The following TMEM132D variants were observed in gnomAD, a reference collection of about 807,000 sequenced individuals.
TMEM132D encodes the protein transmembrane protein 132D.
TMEM132D carries 21 observed loss-of-function variants against 62.3 expected under a neutral mutation model. The observed-to-expected ratio is 0.34, with a 90% CI of 0.24 to 0.49. The LOEUF is 0.49. TMEM132D is among the 20% of genes least tolerant of loss of function. TMEM132D has a pLI of 0.99. For synonymous variants in TMEM132D, 621 were observed against 575.6 expected (o/e 1.08, Z -1.13); for missense variants, 1,346 against 1,402.8 (o/e 0.96, Z 0.65).
rs529759923 is a variant in TMEM132D at position 129,874,849 on chromosome 12, C to T, written c.79+28412G>A. On this transcript the variant is annotated intron_variant, in intron 1 of 8. Transcript: ENST00000422113. The stretch of plus-strand genomic sequence containing the variant: ...CCGAATAGCTGGGATTACAGGCGTG[C>T]GCCACCACGCCCAGCTAATTTTGTA... 3.1e-4 allele frequency among the ~76,000 whole-genome samples: 47 copies of T among 151,966 alleles called. 1 individual carries two copies. In the Middle Eastern group the frequency reaches 0.01, roughly 33 times the overall value.
At chr12:129,492,893 T>C (rs1053413406) in intron 3 of TMEM132D, among the ~76,000 whole-genome samples, 7 of 152,126 alleles carry the variant, frequency 4.6e-5, no homozygotes, top group Non-Finnish European at 1.5e-5. Context: ...GAGATGTGCA[T>C]CGAGAACTTT....
intron 2 of TMEM132D, among the ~76,000 whole-genome samples, chr12:129,558,235 C>A (rs2137111150): frequency 1.3e-5 from 2 of 152,294 alleles, no homozygotes; most frequent in African/African-American, 4.8e-5. Flanking sequence ...GAAGAGACAG[C>A]ATGAAAGATC....
At chr12:129,169,292 G>C (rs1877649268) in intron 5 of TMEM132D, among the ~76,000 whole-genome samples, 1 of 152,176 alleles carries the variant, frequency 6.6e-6, no homozygotes, top group African/African-American at 2.4e-5. Context: ...CTTGTCTGTG[G>C]ACTGGGAGTC....
rs149149310 is a variant in TMEM132D, at chr12:129,480,751, C to T, written c.1115+50308G>A. 2.8e-3 allele frequency among the ~76,000 whole-genome samples: 424 copies of T among 152,268 alleles called. 2 individuals are homozygous for T. Among genetic ancestry groups the T allele is most frequent in the African/African-American group, 9.8e-3 (409 of 41,540 alleles). On this transcript the variant is annotated intron_variant, in intron 3 of 8. Coordinates refer to ENST00000422113, the MANE Select transcript of TMEM132D (RefSeq NM_133448.3). ...AAGTGTTGGCAAGAACGTAGAGAAA[C>T]GGTAGCTCTTCTGCGTTGCTGTTGT...
chr12:129,141,766 G>A lies in TMEM132D; in HGVS notation c.1444-57064C>T, dbSNP rs1050150353. Among the ~76,000 whole-genome samples the A allele has an allele frequency of 2.0e-4, 30 of 152,158 alleles. 1 individual carries two copies. The highest frequency in any genetic ancestry group is 2.0e-4 in the Admixed American group (3 of 15,280). ...ATGACAGACACTGGGGAATGCTAGA[G>A]CAGGGAGGGAGGAAGGGGGAGCAAA... On this transcript the variant is annotated intron_variant, in intron 5 of 8. Transcript: ENST00000422113.
At chr12:129,078,936 G>A (rs1368907970) in intron 7 of TMEM132D, among the ~76,000 whole-genome samples, 1 of 152,200 alleles carries the variant, frequency 6.6e-6, no homozygotes, top group Non-Finnish European at 1.5e-5. Flanking sequence ...GCAAGGTGGT[G>A]TCAAGGAGTG....
At chr12:129,828,557 T>C (rs898528982) in intron 1 of TMEM132D, among the ~76,000 whole-genome samples, 2 of 150,518 alleles carry the variant, frequency 1.3e-5, no homozygotes, top group South Asian at 4.3e-4. Context: ...TAAATTCATG[T>C]TATTATTTGT....
chr12:129,809,789 A>G (rs1336576724), intron 1 of TMEM132D, among the ~76,000 whole-genome samples: 1 of 152,180 alleles, frequency 6.6e-6, no homozygotes, highest in African/African-American at 2.4e-5. Flanking sequence ...ACATGATGAA[A>G]AGTAGCAATG....
In TMEM132D at chr12:129,322,522, T is replaced by C. The variant is rs77016680; in HGVS notation, c.1299+15112A>G. Among the ~76,000 whole-genome samples, 578 of 152,266 alleles carry C rather than the reference T, an allele frequency of 3.8e-3. 2 individuals are homozygous for C. Among genetic ancestry groups the C allele is most frequent in the African/African-American group, 0.013 (553 of 41,548 alleles). On this transcript the variant is annotated intron_variant, in intron 4 of 8. Transcript: ENST00000422113. ...TAAAGAAGACATTCCGTTTATTTTG[T>C]AGAGCTGAATCGTTTCTCGGTGGTT...
At chr12:129,590,304 G>A (rs1269335731) in intron 2 of TMEM132D, among the ~76,000 whole-genome samples, 6 of 152,120 alleles carry the variant, frequency 3.9e-5, no homozygotes, top group Admixed American at 1.3e-4. Context: ...CGTCAGAACT[G>A]CCACATTCTG....
chr12:129,749,552 G>A (rs986563873), intron 1 of TMEM132D, among the ~76,000 whole-genome samples: 5 of 149,914 alleles, frequency 3.3e-5, no homozygotes, highest in East Asian at 2.0e-4. Flanking sequence ...CACCTCCCAC[G>A]TTCAAGCAAT....
intron 3 of TMEM132D, among the ~76,000 whole-genome samples, chr12:129,510,411 C>A (rs938406553): frequency 5.3e-5 from 8 of 152,036 alleles, no homozygotes; most frequent in Admixed American, 5.2e-4. Context: ...CCATTCTGTG[C>A]ATTGTCTCTT....
intron 1 of TMEM132D, among the ~76,000 whole-genome samples, chr12:129,880,116 CA>C (rs1047486990): frequency 1.5e-4 from 22 of 148,886 alleles, no homozygotes; most frequent in Non-Finnish European, 1.9e-4. Context: ...TTGAGGGCAG[CA>C]AAAAAAAAGA....
intron 3 of TMEM132D, among the ~76,000 whole-genome samples, chr12:129,479,305 C>T (rs575762867): frequency 2.0e-5 from 3 of 152,120 alleles, no homozygotes; most frequent in Non-Finnish European, 4.4e-5. Context: ...AAATTGGCAT[C>T]AAATTTAAGG....
chr12:129,431,908 C>T (rs949444745), intron 3 of TMEM132D, among the ~76,000 whole-genome samples: 5 of 152,188 alleles, frequency 3.3e-5, no homozygotes, highest in African/African-American at 1.2e-4. Flanking sequence ...GACCTTTGCA[C>T]TTGCAGTTTC....
At chr12:129,418,309 C>T (rs763753034) in intron 3 of TMEM132D, among the ~76,000 whole-genome samples, 1 of 152,152 alleles carries the variant, frequency 6.6e-6, no homozygotes, top group Non-Finnish European at 1.5e-5. Context: ...TTGGAACCAA[C>T]CCAAATGCCC....
chr12:129,512,325 A>G (rs1004668057), intron 3 of TMEM132D, among the ~76,000 whole-genome samples: 2 of 152,214 alleles, frequency 1.3e-5, no homozygotes, highest in Admixed American at 1.3e-4. Flanking sequence ...TTCTGGAGGA[A>G]CTACTGGAGA....
At chr12:129,773,957 T>A (rs1870838518) in intron 1 of TMEM132D, among the ~76,000 whole-genome samples, 1 of 152,198 alleles carries the variant, frequency 6.6e-6, no homozygotes, top group Non-Finnish European at 1.5e-5. Flanking sequence ...AGACAATGCA[T>A]ATAAACCTGG....
intron 1 of TMEM132D, among the ~76,000 whole-genome samples, chr12:129,806,624 C>T (rs1458878852): frequency 1.3e-5 from 2 of 150,986 alleles, no homozygotes; most frequent in Non-Finnish European, 3.0e-5. Flanking sequence ...AGCACACCAG[C>T]ATGGCACATG....
Sources: allele counts gnomAD v4.1 joint callset (sites outside exome capture counted in the v4.1 genomes callset), GRCh38; gene constraint gnomAD v4.1.1; transcripts MANE v1.5; gene names NCBI Gene and HGNC (gene_info 2026-07-23, HGNC 2026-07-21).